The following SOX6 variants were observed in gnomAD, a reference collection of about 807,000 sequenced individuals.
SOX6 encodes SRY-box transcription factor 6, also known as transcription factor SOX-6.
In SOX6, 11 loss-of-function variants were observed where a neutral mutation model predicts 97.8. The observed-to-expected ratio is 0.11, with a 90% CI of 0.07 to 0.19. The LOEUF (loss-of-function observed/expected upper bound fraction) is 0.19. Among genes scored for constraint, SOX6 ranks in the 10% least tolerant of loss-of-function variants. The pLI, the probability that SOX6 is intolerant of heterozygous loss-of-function variation, is 1.00. For synonymous variants in SOX6, 360 were observed against 371.4 expected (o/e 0.97, Z 0.35); for missense variants, 810 against 1,039.5 (o/e 0.78, Z 3.04).
intron 10 of SOX6, among the ~76,000 whole-genome samples, chr11:16,051,895 C>G (rs1022384335): frequency 2.0e-5 from 3 of 148,836 alleles, no homozygotes; most frequent in African/African-American, 7.8e-5. Context: ...TTTTTCTATG[C>G]CTTTCATTTT....
chr11:16,520,860 G>C (rs192414097), intron 4 of SOX6, among the ~76,000 whole-genome samples: 2 of 152,210 alleles, frequency 1.3e-5, no homozygotes, highest in Non-Finnish European at 2.9e-5. Context: ...CTACGCCCAC[G>C]GAGTCTCGCT....
intron 3 of SOX6, among the ~76,000 whole-genome samples, chr11:16,677,462 G>C (rs1352459509): frequency 7.2e-5 from 11 of 152,116 alleles, no homozygotes; most frequent in Admixed American, 7.2e-4. Context: ...AGTTTTTGTG[G>C]AGGGATGGAC....
chr11:16,328,763 A>T (rs1307885941), intron 2 of SOX6, among the ~76,000 whole-genome samples: 1 of 152,180 alleles, frequency 6.6e-6, no homozygotes, highest in African/African-American at 2.4e-5. Flanking sequence ...TTCGGTTCCA[A>T]TAACTTCTTG....
In SOX6 at chr11:16,673,492, A is replaced by AAATTGAAACACCAAAT. The variant is rs555738432; in HGVS notation, n.429+41337_429+41338insATTTGGTGTTTCAATT. Among the ~76,000 whole-genome samples the AAATTGAAACACCAAAT allele has an allele frequency of 2.8e-3, 429 of 152,336 alleles. 2 individuals are homozygous for AAATTGAAACACCAAAT. Among genetic ancestry groups the AAATTGAAACACCAAAT allele is most frequent in the African/African-American group, 9.6e-3 (400 of 41,582 alleles). ...CATGACCAAGTATATGTATGCCAAT[A>AAATTGAAACACCAAAT]AATTGAAACACCAAAAGAAATAAAT... is the stretch of plus-strand genomic sequence containing the variant. On this transcript the variant is annotated intron_variant and non_coding_transcript_variant, in intron 3 of 5. Transcript: ENST00000524520.
At chr11:16,637,679 T>C (rs756805956) in intron 3 of SOX6, among the ~76,000 whole-genome samples, 6 of 152,200 alleles carry the variant, frequency 3.9e-5, no homozygotes, top group Non-Finnish European at 8.8e-5. Flanking sequence ...CCTTATTTCC[T>C]TCTCATCTAA....
intron 1 of SOX6, among the ~76,000 whole-genome samples, chr11:16,354,182 G>A (rs1462050243): frequency 6.6e-6 from 1 of 151,882 alleles, no homozygotes; most frequent in Non-Finnish European, 1.5e-5. Flanking sequence ...TAAAATTAGG[G>A]ACAACACATC....
intron 14 of SOX6, among the ~76,000 whole-genome samples, chr11:15,988,231 T>C (rs1455240376): frequency 6.6e-6 from 1 of 152,252 alleles, no homozygotes; most frequent in Non-Finnish European, 1.5e-5. Context: ...ATGCTGCATG[T>C]TGAATAAAAT....
intron 4 of SOX6, among the ~76,000 whole-genome samples, chr11:16,593,445 C>A (rs933827377): frequency 6.6e-6 from 1 of 151,956 alleles, no homozygotes; most frequent in African/African-American, 2.4e-5. Flanking sequence ...CTTTGGCCTT[C>A]ATCACCTTTA....
At chr11:16,539,497 TA>T (rs531210151) in intron 4 of SOX6, among the ~76,000 whole-genome samples, 6 of 150,900 alleles carry the variant, frequency 4.0e-5, no homozygotes, top group African/African-American at 1.2e-4. Flanking sequence ...GATAGAGACA[TA>T]AAAAAAACCT....
intron 3 of SOX6, among the ~76,000 whole-genome samples, chr11:16,241,725 G>A (rs948255145): frequency 2.6e-5 from 4 of 151,856 alleles, no homozygotes; most frequent in African/African-American, 2.4e-5. Context: ...CTATCTAAAG[G>A]CTCTCTCATG....
At chr11:16,222,269 G>A (rs955932465) in intron 4 of SOX6, among the ~76,000 whole-genome samples, 5 of 152,066 alleles carry the variant, frequency 3.3e-5, no homozygotes, top group African/African-American at 1.2e-4. Context: ...TTACTATGCA[G>A]TGGTACCATG....
intron 3 of SOX6, among the ~76,000 whole-genome samples, chr11:16,662,874 G>C (rs1031524990): frequency 2.6e-5 from 4 of 151,806 alleles, no homozygotes; most frequent in Non-Finnish European, 5.9e-5. Context: ...GGGGGAGGCG[G>C]GGGAGATAGT....
intron 3 of SOX6, among the ~76,000 whole-genome samples, chr11:16,241,434 T>G (rs1204690092): frequency 6.6e-6 from 1 of 152,076 alleles, no homozygotes. Flanking sequence ...CTATCCCCTA[T>G]TTTCTGCTCC....
intron 9 of SOX6, among the ~76,000 whole-genome samples, chr11:16,066,325 A>C (rs1848092952): frequency 6.6e-6 from 1 of 152,200 alleles, no homozygotes; most frequent in African/African-American, 2.4e-5. Flanking sequence ...TAGTACAACC[A>C]CTATGGAGCA....
chr11:16,262,830 C>G (rs1428352881), intron 3 of SOX6, among the ~76,000 whole-genome samples: 1 of 151,948 alleles, frequency 6.6e-6, no homozygotes, highest in African/African-American at 2.4e-5. Flanking sequence ...TAGGTCTTTC[C>G]TGAGTTTGAT....
chr11:16,286,704 T>C (rs1854753823), intron 3 of SOX6, among the ~76,000 whole-genome samples: 1 of 152,174 alleles, frequency 6.6e-6, no homozygotes, highest in Non-Finnish European at 1.5e-5. Context: ...GCCTATTTTC[T>C]ATCTTCCAAT....
At chr11:16,593,735 C>A (rs932061719) in intron 4 of SOX6, among the ~76,000 whole-genome samples, 2 of 152,146 alleles carry the variant, frequency 1.3e-5, no homozygotes, top group African/African-American at 4.8e-5. Flanking sequence ...CCTCAACCTT[C>A]ACAATATCCT....
At chr11:16,468,934 AT>A (rs1277689374) in intron 1 of SOX6, among the ~76,000 whole-genome samples, 1 of 152,114 alleles carries the variant, frequency 6.6e-6, no homozygotes, top group Non-Finnish European at 1.5e-5. Context: ...AATTTTGAAA[AT>A]GTTCCACCGC....
intron 3 of SOX6, among the ~76,000 whole-genome samples, chr11:16,296,451 C>T (rs1033086731): frequency 1.3e-5 from 2 of 152,018 alleles, no homozygotes; most frequent in Non-Finnish European, 2.9e-5. Flanking sequence ...AGATGGGCAA[C>T]GGAATGCTGT....
Sources: gnomAD v4.1 joint callset for allele counts (sites outside exome capture counted in the v4.1 genomes callset) on GRCh38, gnomAD v4.1.1 for gene constraint, MANE v1.5 for transcripts, NCBI Gene and HGNC (gene_info 2026-07-23, HGNC 2026-07-21) for gene names.